The following LRRC9 variants were observed in gnomAD, a reference collection of about 807,000 sequenced individuals.
LRRC9 encodes leucine rich repeat containing 9.
In LRRC9, 122 loss-of-function variants were observed where a neutral mutation model predicts 63.2. The ratio of observed to expected loss-of-function variants is 1.93; its 90% confidence interval spans 1.67 to 2.24. The LOEUF is 2.24. Among genes scored for constraint, LRRC9 ranks in the 30% most tolerant of loss-of-function variants. The pLI, the probability that LRRC9 is intolerant of heterozygous loss-of-function variation, is 0.00. For missense variants in LRRC9, 1,071 were observed against 627.7 expected (o/e 1.71, Z -7.55); for synonymous variants, 366 against 213.1 (o/e 1.72, Z -6.25).
chr14:59,955,913 G>A (rs1883695865), intron 8 of LRRC9, among the ~76,000 whole-genome samples: 1 of 152,112 alleles, frequency 6.6e-6, no homozygotes, highest in African/African-American at 2.4e-5. Context: ...TATTATTCAG[G>A]AGCAGGTTGT....
At chr14:59,928,296 T>C (rs552199609) in exon 3 of LRRC9, 17 of 628,484 alleles carry the variant, frequency 2.7e-5, no homozygotes, top group African/African-American at 2.6e-4. Flanking sequence ...TCTTATGAGA[T>C]GGTTGGACAA....
chr14:59,954,614 A>G (rs542715071), intron 8 of LRRC9, among the ~76,000 whole-genome samples: 2 of 152,302 alleles, frequency 1.3e-5, no homozygotes, highest in East Asian at 1.9e-4. Flanking sequence ...AACAGAGACA[A>G]TTTGACTTCC....
At chr14:60,048,041 C>T (rs1324316920) in intron 29 of LRRC9, among the ~76,000 whole-genome samples, 1 of 152,168 alleles carries the variant, frequency 6.6e-6, no homozygotes, top group African/African-American at 2.4e-5. Context: ...TCCTGAATGA[C>T]TGCTGGGTAA....
rs1202358233 is a variant in LRRC9 at position 59,986,458 on chromosome 14, T to A, written c.2211+1234T>A. Among the ~76,000 whole-genome samples, 1 of 152,222 alleles carries A rather than the reference T, an allele frequency of 6.6e-6. No homozygotes were observed. The highest frequency in any genetic ancestry group is 1.9e-4 in the East Asian group (1 of 5,200). On this transcript the variant is annotated intron_variant, in intron 17 of 31. Coordinates refer to ENST00000445360, the Ensembl canonical transcript of LRRC9. This position sits in a 1 kb window ranked among gnomAD's most constrained non-coding sequence, Gnocchi z 4.7. ...ATTAGGTTTAGATTTAGTGTTAAAC[T>A]CACTTCCTTTTTCTTTTGGTAGGCC...
At position 59,922,134 on chromosome 14, in the gene LRRC9, C is replaced by T. The variant is rs1200819725; in HGVS notation, c.-34+2251C>T. On this transcript the variant is annotated intron_variant, in intron 1 of 31. Transcript: ENST00000445360. The surrounding 1 kb of genome is among the most constrained non-coding windows in gnomAD (Gnocchi z 5.3). ...GAAAGAAAAAAGAAAAGAAGAAAAG[C>T]ACAAAGTAAGTTTGAAATAACAAGT... Among the ~76,000 whole-genome samples the T allele has an allele frequency of 1.3e-5, 2 of 151,394 alleles. No individual in the cohort carries two copies. Among genetic ancestry groups the T allele is most frequent in the African/African-American group, 4.8e-5 (2 of 41,250 alleles).
chr14:60,061,932 T>C (rs549635859), intron 31 of LRRC9, 79 bp from the exon 32 acceptor site: 1 of 397,340 alleles, frequency 2.5e-6, no homozygotes, highest in South Asian at 1.4e-4. Context: ...CCAAACTATA[T>C]TGCTTAATGC....
At chr14:60,023,649 T>G (rs116763209) in intron 27 of LRRC9, among the ~76,000 whole-genome samples, 7,789 of 152,208 alleles carry the variant, frequency 0.051, 623 homozygotes, top group African/African-American at 0.17. Context: ...TACTTTACAG[T>G]AATTTTTTTA....
chr14:59,999,409 C>T (rs1221054308), intron 19 of LRRC9, among the ~76,000 whole-genome samples, 183 bp downstream of exon 19: 3 of 151,956 alleles, frequency 2.0e-5, no homozygotes, highest in Non-Finnish European at 2.9e-5. Context: ...AATACCAAAT[C>T]GTTGTATGGA....
chr14:59,978,153 T>G lies in LRRC9; in HGVS notation c.1878+21T>G, dbSNP rs759790260. On this transcript the variant is annotated intron_variant, in intron 15 of 31. Coordinates refer to ENST00000445360, the Ensembl canonical transcript of LRRC9. ...CAATGGTATGAATTGTTACATATTC[T>G]TAAAGACTAATTCTAATTCCTTAAA... The G allele has an allele frequency of 1.3e-5, 9 of 699,440 alleles. No individual in the cohort carries two copies. In the East Asian group the frequency reaches 1.3e-4, roughly 10 times the overall value. The allele number at this position is 699,440 out of a possible 1,614,324, so 43.3% of individuals were successfully genotyped here. A position where few individuals can be genotyped will look rare whatever the true frequency, so the allele number is the denominator to read the frequency against.
chr14:60,056,735 C>G (rs1035805580), intron 30 of LRRC9, among the ~76,000 whole-genome samples: 1 of 152,018 alleles, frequency 6.6e-6, no homozygotes, highest in Non-Finnish European at 1.5e-5. Context: ...AGATTCAACA[C>G]CAATTATTTT....
At position 60,027,736 on chromosome 14, in the gene LRRC9, A is replaced by G; in HGVS notation, c.3704-148A>G. 2 of 536,484 alleles carry G rather than the reference A, an allele frequency of 3.7e-6. No individual in the cohort carries two copies. Among genetic ancestry groups the G allele is most frequent in the African/African-American group, 1.9e-5 (1 of 52,582 alleles). 33.2% of individuals were successfully genotyped at this position (536,484 alleles called of 1,614,324 possible). On this transcript the variant is annotated intron_variant, in intron 27 of 31. Coordinates refer to ENST00000445360, the Ensembl canonical transcript of LRRC9. This position sits in a 1 kb window ranked among gnomAD's most constrained non-coding sequence, Gnocchi z 4.0. ...ATGATGCTACCTTCCTGTAAATTAC[A>G]TTTCAATTTCTCTTTGGAAATAAGT...
At chr14:59,965,678 T>C (rs1306358468) in intron 10 of LRRC9, among the ~76,000 whole-genome samples, 6 of 151,378 alleles carry the variant, frequency 4.0e-5, no homozygotes, top group Non-Finnish European at 1.5e-5. Flanking sequence ...GGTCAGGAGA[T>C]TGAGACCATC....
rs76799865 is a variant in LRRC9, at chr14:59,960,328, C to G, written c.1079+314C>G. ...AGCCTCTGCTGGTGGATAAACTCAC[C>G]AAATAGATGAGACCTGGCAAAGCCC... On this transcript the variant is annotated intron_variant, in intron 9 of 31. Transcript: ENST00000445360. Among the ~76,000 whole-genome samples the G allele has an allele frequency of 3.0e-3, 455 of 152,162 alleles. 9 individuals carry two copies. The East Asian group carries it at 0.05, about 17-fold the overall frequency.
intron 8 of LRRC9, among the ~76,000 whole-genome samples, chr14:59,953,645 G>C (rs150821111): frequency 6.6e-6 from 1 of 152,136 alleles, no homozygotes; most frequent in Non-Finnish European, 1.5e-5. Flanking sequence ...CTTTTGCTGT[G>C]CAGAAGCTCT....
At position 59,958,091 on chromosome 14, in the gene LRRC9, A is replaced by G. The variant is rs932821900; in HGVS notation, c.883-1727A>G. On this transcript the variant is annotated intron_variant, in intron 8 of 31. Transcript: ENST00000445360. This position sits in a 1 kb window ranked among gnomAD's most constrained non-coding sequence, Gnocchi z 4.0. ...CCCTGTTGGGGTATGTCTCCCAGTCAGGAGGCACGGGGGTCAGGAACCCAC... is the reference window on the plus strand; with the variant it reads ...CCCTGTTGGGGTATGTCTCCCAGTCGGGAGGCACGGGGGTCAGGAACCCAC... 5.9e-5 allele frequency among the ~76,000 whole-genome samples: 9 copies of G among 152,220 alleles called. No individual in the cohort carries two copies. Among genetic ancestry groups the G allele is most frequent in the African/African-American group, 1.9e-4 (8 of 41,474 alleles).
Position 59,936,288 on chromosome 14 carries a change from A to AT in LRRC9, c.544-2101dup, listed in dbSNP as rs1341339119. Reference sequence around the variant, plus strand: ...GGCTTTTTATGGCATTATGACTATCATAAAAACATTGAACGTGATTCACAG... The same window carrying AT: ...GGCTTTTTATGGCATTATGACTATCATTAAAAACATTGAACGTGATTCACAG... On this transcript the variant is annotated intron_variant, in intron 6 of 31. Transcript: ENST00000445360. This position sits in a 1 kb window ranked among gnomAD's most constrained non-coding sequence, Gnocchi z 4.2. Among the ~76,000 whole-genome samples the AT allele has an allele frequency of 6.6e-6, 1 of 152,216 alleles. No individual in the cohort carries two copies. The highest frequency in any genetic ancestry group is 2.4e-5 in the African/African-American group (1 of 41,462).
Position 59,985,226 on chromosome 14 carries a change from TA to T in LRRC9, c.2211+4del. 1.6e-6 allele frequency: 1 copy of T among 632,096 alleles called. No homozygotes were observed. The highest frequency in any genetic ancestry group is 2.9e-6 in the Non-Finnish European group (1 of 345,964). 39.2% of individuals were successfully genotyped at this position (632,096 alleles called of 1,614,324 possible). A position where few individuals can be genotyped will look rare whatever the true frequency, so the allele number is the denominator to read the frequency against. On this transcript the variant is annotated splice_donor_region_variant and intron_variant, in intron 17 of 31. Transcript: ENST00000445360. ...TGTTTAGATGATGTATACCACTTGG[TA>T]AGAATTGTTCCTTTGAATCTAAAAA... is the stretch of plus-strand genomic sequence containing the variant.
intron 7 of LRRC9, among the ~76,000 whole-genome samples, chr14:59,944,261 G>C (rs1238342835): frequency 6.6e-6 from 1 of 151,682 alleles, no homozygotes; most frequent in Non-Finnish European, 1.5e-5. Flanking sequence ...TTATATGTTT[G>C]CTCTAATTGT....
At chr14:60,055,181 A>C (rs1894180074) in intron 30 of LRRC9, among the ~76,000 whole-genome samples, 1 of 152,260 alleles carries the variant, frequency 6.6e-6, no homozygotes, top group African/African-American at 2.4e-5. Context: ...TACAATGTTT[A>C]AAAAAGATTA....
Sources: gnomAD v4.1 joint callset for allele counts (sites outside exome capture counted in the v4.1 genomes callset) on GRCh38, gnomAD v4.1.1 for gene constraint, Gnocchi (gnomAD v3.1) non-coding constraint, MANE v1.5 for transcripts, NCBI Gene and HGNC (gene_info 2026-07-23, HGNC 2026-07-21) for gene names.